Variants in GABRA3 observed in about 807,000 individuals in gnomAD.
GABRA3 encodes the protein gamma-aminobutyric acid receptor subunit alpha-3.
A neutral mutation model predicts 30.1 loss-of-function variants in GABRA3; 10 were observed. The observed-to-expected ratio is 0.33, with a 90% CI of 0.20 to 0.56. The LOEUF (loss-of-function observed/expected upper bound fraction) is 0.56. Among genes scored for constraint, GABRA3 ranks in the 20% least tolerant of loss-of-function variants. GABRA3 has a pLI of 0.89. For missense variants in GABRA3, 233 were observed against 392.0 expected, an observed-to-expected ratio of 0.59 and a Z score of 3.42; for synonymous variants, 151 against 146.8, an observed-to-expected ratio of 1.03 and a Z score of -0.21.
chrX:152,416,197 C>CA (rs1386758456), intron 1 of GABRA3, among the ~76,000 whole-genome samples: 1 of 96,963 alleles, frequency 1.0e-5, no homozygotes, highest in African/African-American at 3.8e-5. Context: ...AATCAATGTA[C>CA]AAAAATCACA....
intron 1 of GABRA3, among the ~76,000 whole-genome samples, chrX:152,365,425 T>G (rs375848805): frequency 9.0e-6 from 1 of 110,862 alleles, no homozygotes; most frequent in African/African-American, 3.3e-5. Flanking sequence ...TGATATGGAG[T>G]TCCCTATAAG....
intron 5 of GABRA3, among the ~76,000 whole-genome samples, chrX:152,248,203 T>C (rs1453366965): frequency 3.7e-5 from 4 of 109,055 alleles, no homozygotes; most frequent in African/African-American, 1.4e-4. Flanking sequence ...GGGATTTCAA[T>C]TTAAAAAAAA....
At chrX:152,190,641 G>A (rs1264391875) in intron 8 of GABRA3, among the ~76,000 whole-genome samples, 7 of 109,750 alleles carry the variant, frequency 6.4e-5, no homozygotes, top group Admixed American at 2.0e-4. Flanking sequence ...GCAAACTATC[G>A]TGGAAAGTGG....
intron 1 of GABRA3, among the ~76,000 whole-genome samples, chrX:152,421,723 G>T (rs1253949226): frequency 9.0e-6 from 1 of 111,330 alleles, no homozygotes; most frequent in African/African-American, 3.3e-5. Context: ...ATAGACTAAT[G>T]AACAAATTAT....
intron 5 of GABRA3, among the ~76,000 whole-genome samples, chrX:152,248,246 C>A (rs11796848): frequency 0.12 from 12,731 of 109,942 alleles, 565 homozygotes; most frequent in South Asian, 0.16. Context: ...GCCAACTGTT[C>A]ACCAAATCCA....
At chrX:152,173,516 G>A (rs1424619655) in intron 9 of GABRA3, among the ~76,000 whole-genome samples, 2 of 110,900 alleles carry the variant, frequency 1.8e-5, no homozygotes, top group East Asian at 2.8e-4. Context: ...GCATGATCTC[G>A]GCTCACTGCA....
chrX:152,364,307 A>G lies in GABRA3; in HGVS notation c.140+124T>C, dbSNP rs898930898. 1.7e-5 allele frequency: 10 copies of G among 592,230 alleles called. No individual in the cohort carries two copies. The Admixed American group carries it at 2.7e-4, about 16-fold the overall frequency. The allele number at this position is 592,230 out of a possible 1,213,427, so 48.8% of individuals were successfully genotyped here. Reference sequence around the variant, plus strand: ...AGCCTATGACTTTTTTCTAAATATAATGTAATGTATAAGTATCAGAGACCA... The same window carrying G: ...AGCCTATGACTTTTTTCTAAATATAGTGTAATGTATAAGTATCAGAGACCA... On this transcript the variant is annotated intron_variant, in intron 2 of 9. Transcript: ENST00000370314.
chrX:152,290,729 T>C (rs1360174193), intron 3 of GABRA3, among the ~76,000 whole-genome samples: 1 of 112,225 alleles, frequency 8.9e-6, no homozygotes, highest in Non-Finnish European at 1.9e-5. Context: ...ACTTTCTACA[T>C]ATGGCTAGCC....
intron 8 of GABRA3, 101 bp from the exon 9 acceptor site, chrX:152,190,042 A>G (rs1353387734): frequency 5.4e-6 from 3 of 552,543 alleles, no homozygotes; most frequent in Non-Finnish European, 8.5e-6. Context: ...GCTTTACCCC[A>G]CTCAAAATGG....
At chrX:152,290,101 C>T (rs1169804078) in intron 3 of GABRA3, among the ~76,000 whole-genome samples, 1 of 111,168 alleles carries the variant, frequency 9.0e-6, no homozygotes, top group East Asian at 2.8e-4. Context: ...CAATGTCTTT[C>T]ACAATGATTG....
In GABRA3 at chrX:152,271,527, T is replaced by C. The variant is rs191301421; in HGVS notation, c.330+13141A>G. On this transcript the variant is annotated intron_variant, in intron 4 of 9. Coordinates refer to ENST00000370314, the MANE Select transcript of GABRA3 (RefSeq NM_000808.4). ...AAAGTGTTCAAGAGGAAGCAGAGTA[T>C]AGAAGATTGGAAAACGTTCAGCCTG... 6.9e-4 allele frequency among the ~76,000 whole-genome samples: 77 copies of C among 112,374 alleles called. 1 individual carries two copies. The Middle Eastern group carries it at 0.023, about 33-fold the overall frequency.
At chrX:152,226,885 A>G (rs200640433) in intron 5 of GABRA3, among the ~76,000 whole-genome samples, 43 of 110,099 alleles carry the variant, frequency 3.9e-4, no homozygotes, top group East Asian at 1.8e-3. Context: ...AGGAAACAAC[A>G]GGTACTGGAG....
chrX:152,216,941 T>A (rs775516431), intron 6 of GABRA3, among the ~76,000 whole-genome samples: 1 of 110,877 alleles, frequency 9.0e-6, no homozygotes, highest in Non-Finnish European at 1.9e-5. Flanking sequence ...GTATACACAC[T>A]TATTTGTCAA....
chrX:152,244,839 T>A (rs995882351), intron 5 of GABRA3, among the ~76,000 whole-genome samples: 17 of 111,598 alleles, frequency 1.5e-4, no homozygotes, highest in African/African-American at 5.5e-4. Context: ...ATTAAAGAAT[T>A]AAAAAAATCT....
chrX:152,326,223 T>C (rs1940055037), intron 3 of GABRA3, among the ~76,000 whole-genome samples: 1 of 111,452 alleles, frequency 9.0e-6, no homozygotes, highest in African/African-American at 3.3e-5. Flanking sequence ...CAAATCTACA[T>C]CTGATTGGTG....
At chrX:152,223,227 TTTA>T (rs1937876198) in intron 6 of GABRA3, among the ~76,000 whole-genome samples, 2 of 111,237 alleles carry the variant, frequency 1.8e-5, no homozygotes, top group African/African-American at 6.5e-5. Flanking sequence ...TTCACTGAGC[TTTA>T]TTGTTTCTAT....
intron 1 of GABRA3, among the ~76,000 whole-genome samples, chrX:152,393,942 A>G (rs1356407949): frequency 9.0e-6 from 1 of 111,611 alleles, no homozygotes; most frequent in Non-Finnish European, 1.9e-5. Flanking sequence ...AAGTATCAGC[A>G]TTTGACCATA....
intron 5 of GABRA3, among the ~76,000 whole-genome samples, chrX:152,236,263 C>T (rs867728339): frequency 8.6e-5 from 9 of 104,165 alleles, no homozygotes; most frequent in East Asian, 3.0e-4. Context: ...TTTGTTCTTG[C>T]GATAGTTTAC....
chrX:152,318,222 G>A (rs1939907296), intron 3 of GABRA3, among the ~76,000 whole-genome samples: 1 of 110,997 alleles, frequency 9.0e-6, no homozygotes, highest in African/African-American at 3.3e-5. Context: ...TAGAAGAGAT[G>A]GATAAATTCC....
Sources: gnomAD v4.1 joint callset for allele counts (sites outside exome capture counted in the v4.1 genomes callset) on GRCh38, gnomAD v4.1.1 for gene constraint, MANE v1.5 for transcripts, NCBI Gene and HGNC (gene_info 2026-07-23, HGNC 2026-07-21) for gene names.